MGMT: variants seen among roughly 807,000 people sequenced by gnomAD.
The protein encoded by MGMT is O-6-methylguanine-DNA methyltransferase.
A neutral mutation model predicts 15.9 loss-of-function variants in MGMT; 14 were observed. The observed-to-expected ratio is 0.88, with a 90% confidence interval of 0.58 to 1.37. The LOEUF (loss-of-function observed/expected upper bound fraction) is 1.37, where lower values mean the gene tolerates loss of function less well. Ranked by LOEUF, MGMT falls within the 40% of genes most tolerant of loss-of-function variation. The pLI is 0.00. For synonymous variants in MGMT, 130 were observed against 118.2 expected, an observed-to-expected ratio of 1.10 and a Z score of -0.65; for missense variants, 282 against 268.1, an observed-to-expected ratio of 1.05 and a Z score of -0.36.
intron 3 of MGMT, among the ~76,000 whole-genome samples, chr10:129,731,374 T>C (rs1304947068): frequency 6.7e-6 from 1 of 148,606 alleles, no homozygotes; most frequent in Non-Finnish European, 1.5e-5. Context: ...TTTTTTTTTT[T>C]TTTTTTGCGA....
chr10:129,512,037 A>G (rs1845689517), intron 1 of MGMT, among the ~76,000 whole-genome samples: 2 of 152,190 alleles, frequency 1.3e-5, no homozygotes, highest in South Asian at 4.1e-4. Context: ...GTGGCTGGCC[A>G]GGAAAGGGCA....
intron 3 of MGMT, among the ~76,000 whole-genome samples, chr10:129,714,730 C>T (rs1848274240): frequency 6.6e-6 from 1 of 152,156 alleles, no homozygotes; most frequent in Non-Finnish European, 1.5e-5. Context: ...AATTTAATAG[C>T]TATTTTTGTT....
intron 2 of MGMT, among the ~76,000 whole-genome samples, chr10:129,561,674 A>T (rs1463708073): frequency 2.0e-5 from 3 of 152,160 alleles, no homozygotes; most frequent in Non-Finnish European, 2.9e-5. Flanking sequence ...TTTTACCGAG[A>T]CACAGTTTAT....
chr10:129,504,151 C>G (rs1184124919), intron 1 of MGMT, among the ~76,000 whole-genome samples: 5 of 152,174 alleles, frequency 3.3e-5, no homozygotes, highest in African/African-American at 1.2e-4. Flanking sequence ...GCCTTCAGAA[C>G]AGGAATGCTT....
rs576183414 is a variant in MGMT at position 129,548,274 on chromosome 10, C to A, written c.125+11897C>A. 7.2e-5 allele frequency among the ~76,000 whole-genome samples: 11 copies of A among 152,252 alleles called. No individual in the cohort carries two copies. In the South Asian group the frequency reaches 2.1e-3, roughly 29 times the overall value. ...CATTCTAGAAATTTCTGTCCTATTT[C>A]TTTAATATTCTTGCCACTAAAAATA... On this transcript the variant is annotated intron_variant, in intron 2 of 4. Transcript: ENST00000651593.
At chr10:129,733,603 C>T (rs1282710557) in intron 3 of MGMT, among the ~76,000 whole-genome samples, 1 of 151,984 alleles carries the variant, frequency 6.6e-6, no homozygotes, top group African/African-American at 2.4e-5. Context: ...GTTGCCATTG[C>T]TTTTGGTGTC....
intron 3 of MGMT, among the ~76,000 whole-genome samples, chr10:129,758,863 T>C (rs1564786785): frequency 6.6e-6 from 1 of 152,174 alleles, no homozygotes; most frequent in Admixed American, 6.5e-5. Context: ...CTTCTGTGTG[T>C]ATTAATTGAG....
chr10:129,745,692 G>A (rs571551594), intron 3 of MGMT, among the ~76,000 whole-genome samples: 6 of 152,006 alleles, frequency 3.9e-5, no homozygotes, highest in Non-Finnish European at 8.8e-5. Flanking sequence ...TTTCATTTGC[G>A]TTTCCCCGAT....
At chr10:129,614,894 T>A (rs1847005359) in intron 2 of MGMT, among the ~76,000 whole-genome samples, 1 of 152,200 alleles carries the variant, frequency 6.6e-6, no homozygotes, top group Non-Finnish European at 1.5e-5. Context: ...TGCCGAGCGC[T>A]CCCTCGTCAG....
chr10:129,591,728 G>C (rs1207149506), intron 2 of MGMT, among the ~76,000 whole-genome samples: 1 of 152,148 alleles, frequency 6.6e-6, no homozygotes, highest in African/African-American at 2.4e-5. Context: ...TCAGGAGTTC[G>C]AGACCAGCCT....
chr10:129,547,270 C>G (rs915017978), intron 2 of MGMT, among the ~76,000 whole-genome samples: 3 of 152,034 alleles, frequency 2.0e-5, no homozygotes, highest in Non-Finnish European at 4.4e-5. Flanking sequence ...GTTAACCCAC[C>G]TCTTCTCGTA....
chr10:129,755,158 T>G (rs1344252666), intron 3 of MGMT, among the ~76,000 whole-genome samples: 1 of 152,250 alleles, frequency 6.6e-6, no homozygotes, highest in Non-Finnish European at 1.5e-5. Context: ...AGACATTCAG[T>G]AGAAGAAACA....
intron 4 of MGMT, 120 bp downstream of exon 4, chr10:129,759,461 C>T: frequency 3.4e-6 from 5 of 1,456,100 alleles, no homozygotes; most frequent in South Asian, 2.5e-5. Context: ...GGCAGAGGGG[C>T]GATATCTGTG....
intron 3 of MGMT, among the ~76,000 whole-genome samples, chr10:129,730,876 T>A (rs1848488348): frequency 6.6e-6 from 1 of 152,256 alleles, no homozygotes; most frequent in South Asian, 2.1e-4. Context: ...CACAGTTTAA[T>A]CATTTCTCTG....
chr10:129,705,349 G>A (rs1011171533), intron 2 of MGMT, among the ~76,000 whole-genome samples: 3 of 152,240 alleles, frequency 2.0e-5, no homozygotes, highest in African/African-American at 4.8e-5. Flanking sequence ...CTGAATGGAT[G>A]TGCCAGGGTA....
At chr10:129,679,938 C>T (rs999449112) in intron 2 of MGMT, among the ~76,000 whole-genome samples, 1 of 152,208 alleles carries the variant, frequency 6.6e-6, no homozygotes, top group African/African-American at 2.4e-5. Flanking sequence ...ATTACTGTGA[C>T]TGAACAGATC....
At chr10:129,696,883 G>T (rs1173815098) in intron 2 of MGMT, among the ~76,000 whole-genome samples, 1 of 152,226 alleles carries the variant, frequency 6.6e-6, no homozygotes, top group Non-Finnish European at 1.5e-5. Context: ...GTGCAGTGTT[G>T]TGGCCTGAAT....
intron 1 of MGMT, among the ~76,000 whole-genome samples, chr10:129,498,773 C>A (rs970925942): frequency 6.6e-6 from 1 of 152,168 alleles, no homozygotes; most frequent in Admixed American, 6.5e-5. Context: ...CTCCAAGGAG[C>A]CTCTCTTCCT....
At chr10:129,546,613 A>G (rs1353674515) in intron 2 of MGMT, among the ~76,000 whole-genome samples, 2 of 152,172 alleles carry the variant, frequency 1.3e-5, no homozygotes, top group African/African-American at 4.8e-5. Context: ...AAGGAAAACC[A>G]AGAAGGACCA....
Sources: gnomAD v4.1 joint callset for allele counts (sites outside exome capture counted in the v4.1 genomes callset) on GRCh38, gnomAD v4.1.1 for gene constraint, MANE v1.5 for transcripts, NCBI Gene and HGNC (gene_info 2026-07-23, HGNC 2026-07-21) for gene names.